TRPM3: variants seen among roughly 807,000 people sequenced by gnomAD.
TRPM3 encodes the protein transient receptor potential cation channel subfamily M member 3.
In TRPM3, 77 loss-of-function variants were observed where a neutral mutation model predicts 181.2. The ratio of observed to expected loss-of-function variants is 0.42; its 90% CI spans 0.35 to 0.51. The LOEUF (loss-of-function observed/expected upper bound fraction) is 0.51. TRPM3 is among the 20% of genes least tolerant of loss of function. TRPM3 has a pLI of 0.01. For missense variants in TRPM3, 1,759 were observed against 2,196.7 expected (o/e 0.80, Z 3.98); for synonymous variants, 745 against 796.4 (o/e 0.94, Z 1.09).
chr9:70,765,653 G>T (rs11142575), intron 7 of TRPM3, among the ~76,000 whole-genome samples: 1 of 152,008 alleles, frequency 6.6e-6, no homozygotes, highest in African/African-American at 2.4e-5. Flanking sequence ...ATAAGTATTT[G>T]CTCTGCTGAA....
intron 1 of TRPM3, among the ~76,000 whole-genome samples, chr9:71,017,343 A>G (rs2097792917): frequency 6.6e-6 from 1 of 152,036 alleles, no homozygotes; most frequent in Non-Finnish European, 1.5e-5. Flanking sequence ...CAAAATATAC[A>G]AATAATTACA....
At position 70,787,922 on chromosome 9, in the gene TRPM3, C is replaced by T. The variant is rs1275610631; in HGVS notation, c.974-3643G>A. Among the ~76,000 whole-genome samples, 3 of 151,196 alleles carry T rather than the reference C, an allele frequency of 2.0e-5. 1 individual carries two copies. The highest frequency in any genetic ancestry group is 7.3e-5 in the African/African-American group (3 of 41,164). ...AGTGAACACACTCATGTAACCTCCA[C>T]CCATATCAAGAAATAGAATATTATT... On this transcript the variant is annotated intron_variant, in intron 6 of 25. Transcript: ENST00000677713.
rs149038192 is a variant in TRPM3, at chr9:70,580,077, C to T, written c.3223+10954G>A. Among the ~76,000 whole-genome samples the T allele has an allele frequency of 6.6e-5, 10 of 152,286 alleles. No individual in the cohort carries two copies. The East Asian group carries it at 1.9e-3, about 29-fold the overall frequency. ...GAAGAGTCAGCAGGTTTAACCTGTT[C>T]AGGGAATGTTTTGACTCTTAAAAGA... On this transcript the variant is annotated intron_variant, in intron 22 of 25. Coordinates refer to ENST00000677713, the MANE Select transcript of TRPM3 (RefSeq NM_001366145.2).
intron 1 of TRPM3, among the ~76,000 whole-genome samples, chr9:71,212,879 A>G (rs1309337667): frequency 6.9e-6 from 1 of 145,538 alleles, no homozygotes; most frequent in Non-Finnish European, 1.5e-5. Flanking sequence ...ATGTATTATA[A>G]CACTTCACAG....
chr9:71,413,202 A>T (rs1175540814), intron 1 of TRPM3, among the ~76,000 whole-genome samples: 2 of 152,106 alleles, frequency 1.3e-5, no homozygotes, highest in Non-Finnish European at 2.9e-5. Context: ...CATATGTAAC[A>T]AACCTGCATG....
intron 1 of TRPM3, among the ~76,000 whole-genome samples, chr9:71,169,697 G>A (rs1370551680): frequency 6.6e-6 from 1 of 151,998 alleles, no homozygotes; most frequent in Non-Finnish European, 1.5e-5. Context: ...TCTCACGCCT[G>A]TAATCCCAGC....
intron 1 of TRPM3, among the ~76,000 whole-genome samples, chr9:71,008,492 C>T (rs1442406953): frequency 6.6e-6 from 1 of 152,120 alleles, no homozygotes; most frequent in Non-Finnish European, 1.5e-5. Context: ...CCCAGATGAA[C>T]ATAGATGCAA....
At chr9:71,189,704 C>A (rs531798688) in intron 1 of TRPM3, among the ~76,000 whole-genome samples, 6 of 151,828 alleles carry the variant, frequency 4.0e-5, no homozygotes, top group Non-Finnish European at 8.8e-5. Flanking sequence ...CAAGGCCCAA[C>A]TGAAACATCT....
chr9:71,119,514 C>T (rs928480850), intron 1 of TRPM3, among the ~76,000 whole-genome samples: 17 of 151,942 alleles, frequency 1.1e-4, no homozygotes, highest in South Asian at 2.1e-4. Flanking sequence ...GGTTTTGTGA[C>T]TAGTAAATGA....
In TRPM3 at chr9:71,252,847, C is replaced by CTTTTTTTTTT. The variant is rs11417438; in HGVS notation, c.183+193796_183+193805dup. Among the ~76,000 whole-genome samples the CTTTTTTTTTT allele has an allele frequency of 2.1e-4, 18 of 84,756 alleles. 1 individual carries two copies. Among genetic ancestry groups the CTTTTTTTTTT allele is most frequent in the African/African-American group, 8.9e-4 (17 of 19,114 alleles). 55.6% of individuals were successfully genotyped at this position (84,756 alleles called of 152,430 possible). On this transcript the variant is annotated intron_variant, in intron 1 of 24. Transcript: ENST00000357533. ...ACACCTCGCCTGGCTAATTTTGTCT[C>CTTTTTTTTTT]TTTTTTTTTTTTTTTTTTTTTTAGA... is the stretch of plus-strand genomic sequence containing the variant.
chr9:71,134,027 G>A (rs11142696), intron 1 of TRPM3, among the ~76,000 whole-genome samples: 48,656 of 150,682 alleles, frequency 0.32, 9,060 homozygotes, highest in Middle Eastern at 0.48. Flanking sequence ...GCGTGCGCGC[G>A]CGCGCGTGTC....
intron 22 of TRPM3, among the ~76,000 whole-genome samples, chr9:70,578,122 G>C (rs1270293324): frequency 6.6e-6 from 1 of 152,168 alleles, no homozygotes; most frequent in Non-Finnish European, 1.5e-5. Flanking sequence ...ATTTGGTTCA[G>C]TGGTGTTAAG....
chr9:70,816,325 G>A (rs2092685624), intron 6 of TRPM3, among the ~76,000 whole-genome samples: 1 of 152,176 alleles, frequency 6.6e-6, no homozygotes, highest in South Asian at 2.1e-4. Flanking sequence ...TATCACTTAG[G>A]TGTTATTAAA....
In TRPM3 at chr9:70,757,481, T is replaced by C. The variant is rs571471650; in HGVS notation, c.1272+4120A>G. ...AAGAGGGACTCCTCTATAACTCGTTTTATGAAGCCAGCATCATCCTGATAC... is the reference window on the plus strand; with the variant it reads ...AAGAGGGACTCCTCTATAACTCGTTCTATGAAGCCAGCATCATCCTGATAC... On this transcript the variant is annotated intron_variant, in intron 8 of 25. Transcript: ENST00000677713. Among the ~76,000 whole-genome samples the C allele has an allele frequency of 5.3e-5, 8 of 152,322 alleles. No individual in the cohort carries two copies. The East Asian group carries it at 1.5e-3, about 29-fold the overall frequency.
intron 22 of TRPM3, among the ~76,000 whole-genome samples, chr9:70,579,905 CT>C (rs1564414029): frequency 6.6e-6 from 1 of 152,202 alleles, no homozygotes; most frequent in African/African-American, 2.4e-5. Flanking sequence ...CTCATGCTGG[CT>C]TCTGGCTGCT....
chr9:71,381,149 A>C (rs2092790519), intron 1 of TRPM3, among the ~76,000 whole-genome samples: 1 of 152,194 alleles, frequency 6.6e-6, no homozygotes, highest in Non-Finnish European at 1.5e-5. Flanking sequence ...CAGCCAGCAT[A>C]AAATAGTGTT....
intron 5 of TRPM3, among the ~76,000 whole-genome samples, chr9:70,831,344 G>T (rs759659252): frequency 8.6e-5 from 13 of 150,558 alleles, no homozygotes; most frequent in Non-Finnish European, 1.8e-4. Context: ...AAAAATTTTG[G>T]AAGTAATGAA....
rs769533540 is a variant in TRPM3, at chr9:70,784,248, G to A, written c.1005C>T (p.Leu335=). 9 of 1,612,392 alleles carry A rather than the reference G, an allele frequency of 5.6e-6. No homozygotes were observed. The highest frequency in any genetic ancestry group is 1.3e-5 in the African/African-American group (1 of 74,790). The change falls in exon 7 of 26, where the codon CTC becomes CTT. Residue 335 remains leucine (L), a synonymous_variant. Coordinates refer to ENST00000677713, the MANE Select transcript of TRPM3 (RefSeq NM_001366145.2). The part of the protein sequence containing the change: ...RIGQGVPVVA[L]IVEGGPNVIS... The stretch of plus-strand genomic sequence containing the variant: ...TCACATTGGGTCCTCCTTCCACTAT[G>A]AGTGCCACCACAGGAACACCTTGAC...
At chr9:70,820,112 G>A (rs7022747) in intron 6 of TRPM3, among the ~76,000 whole-genome samples, 9,090 of 152,186 alleles carry the variant, frequency 0.06, 444 homozygotes, top group East Asian at 0.12. Flanking sequence ...CACTGATACA[G>A]CTTGGATTTT....
Sources: gnomAD v4.1 joint callset for allele counts (sites outside exome capture counted in the v4.1 genomes callset) on GRCh38, gnomAD v4.1.1 for gene constraint, MANE v1.5 for transcripts, NCBI Gene and HGNC (gene_info 2026-07-23, HGNC 2026-07-21) for gene names.